MX2: variants seen among roughly 807,000 people sequenced by gnomAD.
The protein encoded by MX2 is MX dynamin like GTPase 2.
Under a neutral mutation model 74.0 loss-of-function variants are expected in MX2, and 51 were observed. That is an observed-to-expected ratio of 0.69 (90% CI 0.55 to 0.87). The LOEUF (loss-of-function observed/expected upper bound fraction) is 0.87. Ranked by LOEUF, MX2 falls within the 40% of genes least tolerant of loss-of-function variation. MX2 has a pLI of 0.00. For missense variants in MX2, 832 were observed against 908.7 expected (o/e 0.92, Z 1.09); for synonymous variants, 369 against 339.3 (o/e 1.09, Z -0.96).
rs186029223 is a variant in MX2, at chr21:41,394,413, T to C, written c.872-1174T>C. ...CCCTTCCTTCAGATGTCAGTCCAAATGTTGCCTTCTGAGAGCGGACCTCCC... is the reference window on the plus strand; with the variant it reads ...CCCTTCCTTCAGATGTCAGTCCAAACGTTGCCTTCTGAGAGCGGACCTCCC... On this transcript the variant is annotated intron_variant, in intron 6 of 13. Transcript: ENST00000330714. Among the ~76,000 whole-genome samples, 26 of 152,256 alleles carry C rather than the reference T, an allele frequency of 1.7e-4. No homozygotes were observed. In the East Asian group the frequency reaches 4.2e-3, roughly 25 times the overall value.
intron 1 of MX2, among the ~76,000 whole-genome samples, chr21:41,362,663 G>A (rs750305036): frequency 1.8e-4 from 28 of 151,748 alleles, no homozygotes; most frequent in Non-Finnish European, 3.1e-4. Flanking sequence ...ACCCTGGATC[G>A]CCTGCACTCT....
intron 6 of MX2, among the ~76,000 whole-genome samples, chr21:41,393,484 T>C (rs1447142735): frequency 3.3e-5 from 5 of 151,994 alleles, no homozygotes; most frequent in African/African-American, 1.2e-4. Flanking sequence ...CCCTCCTTCC[T>C]GAACCTCCCT....
intron 3 of MX2, among the ~76,000 whole-genome samples, chr21:41,378,269 CATT>C (rs2089439162): frequency 1.4e-5 from 2 of 140,816 alleles, no homozygotes; most frequent in South Asian, 2.2e-4. Context: ...AGGGACAGGC[CATT>C]GGGAGACAGG....
intron 1 of MX2, among the ~76,000 whole-genome samples, chr21:41,375,462 A>G (rs899089141): frequency 1.3e-5 from 2 of 152,246 alleles, no homozygotes; most frequent in Non-Finnish European, 2.9e-5. Context: ...AGGTGTCGGC[A>G]GAGCTGGTTC....
chr21:41,408,323 A>G lies in MX2; in HGVS notation c.*90A>G, dbSNP rs1047054245. On this transcript the variant is annotated 3_prime_UTR_variant, in exon 14 of 14. Transcript: ENST00000330714. ...GGATGCCGCTTCTGCTTTGGGGCCA[A>G]ACTCTTCTGTCACTATCAGTGTCCA... The G allele has an allele frequency of 3.9e-6, 6 of 1,519,656 alleles. No individual in the cohort carries two copies. The highest frequency in any genetic ancestry group is 5.3e-6 in the Non-Finnish European group (6 of 1,124,222). The allele number at this position is 1,519,656 out of a possible 1,614,324, so 94.1% of individuals were successfully genotyped here. A position where few individuals can be genotyped will look rare whatever the true frequency, so the allele number is the denominator to read the frequency against.
chr21:41,371,131 A>G (rs115895773), intron 1 of MX2, among the ~76,000 whole-genome samples: 2 of 152,380 alleles, frequency 1.3e-5, no homozygotes, highest in African/African-American at 4.8e-5. Flanking sequence ...GTTTAAAAAT[A>G]CACACAAAGA....
Position 41,408,579 on chromosome 21 carries a change from G to C in MX2, c.*346G>C. 4.0e-6 allele frequency: 1 copy of C among 248,310 alleles called. No individual in the cohort carries two copies. The highest frequency in any genetic ancestry group is 7.8e-6 in the Non-Finnish European group (1 of 128,848). The allele number at this position is 248,310 out of a possible 1,614,324, so 15.4% of individuals were successfully genotyped here. The stretch of plus-strand genomic sequence containing the variant: ...GAGACCCCAGAGGGGGAAGGTCTGG[G>C]TCAAATTCTTCTTTTGTATGTCCAG... On this transcript the variant is annotated 3_prime_UTR_variant, in exon 14 of 14. Transcript: ENST00000330714.
At position 41,390,548 on chromosome 21, in the gene MX2, C is replaced by A; in HGVS notation, c.733-17C>A. On this transcript the variant is annotated splice_polypyrimidine_tract_variant and intron_variant, in intron 5 of 13. Transcript: ENST00000330714. The stretch of plus-strand genomic sequence containing the variant: ...GTGAGACGTGTGCTCTTTCTTTGTG[C>A]GATTCTTTGGCATCAGATCAAGGCT... 3 of 1,613,710 alleles carry A rather than the reference C, an allele frequency of 1.9e-6. No individual in the cohort carries two copies. The highest frequency in any genetic ancestry group is 2.5e-6 in the Non-Finnish European group (3 of 1,179,724).
At chr21:41,406,720 T>C in intron 12 of MX2, 24 bp from the exon 13 acceptor site, 1 of 1,601,304 alleles carries the variant, frequency 6.2e-7, no homozygotes, top group Non-Finnish European at 8.5e-7. Flanking sequence ...AGAAGTAATG[T>C]GTTTGTCTTT....
At position 41,406,949 on chromosome 21, in the gene MX2, C is replaced by G. The variant is rs748907963; in HGVS notation, c.1856C>G (p.Ser619Trp). 6.2e-7 allele frequency: 1 copy of G among 1,613,970 alleles called. No homozygotes were observed. The highest frequency in any genetic ancestry group is 1.1e-5 in the South Asian group (1 of 91,084). Residue 619 changes from serine (S) to tryptophan (W), a missense_variant, in exon 13 of 14, where the codon TCG becomes TGG. Physicochemically the swap from Ser to Trp is radical, Grantham distance 177. Transcript: ENST00000330714. The part of the protein sequence containing the change: ...LNSHFPSNES[S>W]VSSFTEIGIH... ...TCTCATTTTCCCAGTAATGAGTCTT[C>G]GGTTTCCTCCTTTACTGAAATAGGC...
chr21:41,366,885 G>GACATGGCAACCCCC lies in MX2; in HGVS notation c.-72+4833_-72+4846dup, dbSNP rs1227398922. ...GCCTCTCCAGCTGTGACTCACTGTT[G>GACATGGCAACCCCC]ACATGGCAACCCCCACCCCCTGGAC... On this transcript the variant is annotated intron_variant, in intron 1 of 13. Transcript: ENST00000330714. The surrounding 1 kb of genome is among the most constrained non-coding windows in gnomAD (Gnocchi z 4.5). 17 of 152,650 alleles carry GACATGGCAACCCCC rather than the reference G, an allele frequency of 1.1e-4. No homozygotes were observed. Among genetic ancestry groups the GACATGGCAACCCCC allele is most frequent in the African/African-American group, 3.9e-4 (16 of 41,514 alleles). 9.5% of individuals were successfully genotyped at this position (152,650 alleles called of 1,614,324 possible). A position where few individuals can be genotyped will look rare whatever the true frequency, so the allele number is the denominator to read the frequency against.
rs140078849 is a variant in MX2, at chr21:41,377,926, G to A, written c.387G>A (p.Ser129=). 92 of 1,614,040 alleles carry A rather than the reference G, an allele frequency of 5.7e-5. No homozygotes were observed. The highest frequency in any genetic ancestry group is 6.8e-5 in the Non-Finnish European group (80 of 1,180,044). ...TCGCCGTCATCGGGGACCAGAGCTCGGGCAAGAGCTCTGTGCTGGAGGCAC... is the reference window on the plus strand; with the variant it reads ...TCGCCGTCATCGGGGACCAGAGCTCAGGCAAGAGCTCTGTGCTGGAGGCAC... ...PAIAVIGDQS[S]GKSSVLEALS... The change falls in exon 3 of 14, where the codon TCG becomes TCA. Residue 129 remains serine, a synonymous_variant. Coordinates refer to ENST00000330714, the MANE Select transcript of MX2 (RefSeq NM_002463.2).
intron 12 of MX2, chr21:41,404,710 T>G (rs890291093): frequency 6.6e-6 from 1 of 152,014 alleles, no homozygotes; most frequent in African/African-American, 2.4e-5. Context: ...CAATCATGCA[T>G]TCATCTCGCG....
chr21:41,380,084 G>A lies in MX2; in HGVS notation c.510G>A (p.Arg170=), dbSNP rs149152562. ...AGCCCTGTGAGGCATGGGCCGGAAG[G>A]ATCAGCTACCGGAACACCGAGCTAG... ...KKQPCEAWAG[R]ISYRNTELEL... is the part of the protein sequence containing the mutation. Residue 170 remains arginine (R), a synonymous_variant, in exon 4 of 14, where the codon AGG becomes AGA. Coordinates refer to ENST00000330714, the MANE Select transcript of MX2 (RefSeq NM_002463.2). This position sits in a 1 kb window ranked among gnomAD's most constrained non-coding sequence, Gnocchi z 4.3. 41 of 1,614,000 alleles carry A rather than the reference G, an allele frequency of 2.5e-5. No homozygotes were observed. The highest frequency in any genetic ancestry group is 4.5e-5 in the East Asian group (2 of 44,884).
At chr21:41,403,083 A>G in intron 11 of MX2, 184 bp from the exon 12 acceptor site, 1 of 565,738 alleles carries the variant, frequency 1.8e-6, no homozygotes, top group Non-Finnish European at 3.2e-6. Context: ...TGAGGGCTGG[A>G]TTGTGTGGCC....
At position 41,380,670 on chromosome 21, in the gene MX2, C is replaced by T. The variant is rs2089477745; in HGVS notation, c.577+519C>T. Among the ~76,000 whole-genome samples, 2 of 152,220 alleles carry T rather than the reference C, an allele frequency of 1.3e-5. No individual in the cohort carries two copies. The highest frequency in any genetic ancestry group is 4.1e-4 in the South Asian group (2 of 4,834). On this transcript the variant is annotated intron_variant, in intron 4 of 13. Coordinates refer to ENST00000330714, the MANE Select transcript of MX2 (RefSeq NM_002463.2). The surrounding 1 kb of genome is among the most constrained non-coding windows in gnomAD (Gnocchi z 4.3). The stretch of plus-strand genomic sequence containing the variant: ...GTGGCCACCTTTCCTCCCAGCACCC[C>T]CTCCAAATGCAGACCCCTCTCACCC...
chr21:41,403,437 G>A lies in MX2; in HGVS notation c.1650+94G>A, dbSNP rs188149878. 1.0e-4 allele frequency: 119 copies of A among 1,150,948 alleles called. No homozygotes were observed. In the African/African-American group the frequency reaches 1.6e-3, roughly 15 times the overall value. 71.3% of individuals were successfully genotyped at this position (1,150,948 alleles called of 1,614,324 possible). A position where few individuals can be genotyped will look rare whatever the true frequency, so the allele number is the denominator to read the frequency against. On this transcript the variant is annotated intron_variant, in intron 12 of 13. Transcript: ENST00000330714. ...ATTCACTGTCATTTGGAACCATGAG[G>A]CCAGGGATGTAATGGCAGGCTGGCG...
chr21:41,392,084 T>C (rs1236737314), intron 6 of MX2, among the ~76,000 whole-genome samples: 4 of 152,224 alleles, frequency 2.6e-5, no homozygotes, highest in Admixed American at 2.6e-4. Flanking sequence ...TGGCATTTGG[T>C]TTTCTGTTCC....
At chr21:41,407,378 A>C (rs545721440) in intron 13 of MX2, among the ~76,000 whole-genome samples, 1 of 152,314 alleles carries the variant, frequency 6.6e-6, no homozygotes, top group South Asian at 2.1e-4. Context: ...GGTGTTCAGA[A>C]GGCACTAACA....
Sources: allele counts gnomAD v4.1 joint callset (sites outside exome capture counted in the v4.1 genomes callset), GRCh38; gene constraint gnomAD v4.1.1; non-coding constraint Gnocchi (gnomAD v3.1); transcripts MANE v1.5; gene names NCBI Gene and HGNC (gene_info 2026-07-23, HGNC 2026-07-21).